UBAC2: variants seen among roughly 807,000 people sequenced by gnomAD.
UBAC2 encodes ubiquitin-associated domain-containing protein 2.
UBAC2 carries 26 observed loss-of-function variants against 44.0 expected under a neutral mutation model. The ratio of observed to expected loss-of-function variants is 0.59; its 90% CI spans 0.43 to 0.82. The LOEUF (loss-of-function observed/expected upper bound fraction) is 0.82, where lower values mean the gene tolerates loss of function less well. UBAC2 is among the 40% of genes least tolerant of loss of function. UBAC2 has a pLI of 0.00. For missense variants in UBAC2, 329 were observed against 419.4 expected (o/e 0.78, Z 1.88); for synonymous variants, 155 against 154.3 (o/e 1.00, Z -0.04).
At chr13:99,237,265 T>C (rs759713334) in intron 1 of UBAC2, among the ~76,000 whole-genome samples, 4,448 of 113,984 alleles carry the variant, frequency 0.039, 108 homozygotes, top group Non-Finnish European at 0.052. Flanking sequence ...TATATATATA[T>C]ATATATACAC....
intron 6 of UBAC2, among the ~76,000 whole-genome samples, chr13:99,331,289 A>G (rs2044713193): frequency 6.6e-6 from 1 of 152,212 alleles, no homozygotes; most frequent in African/African-American, 2.4e-5. Flanking sequence ...CTTTTTAAAT[A>G]TGAAGGTGAA....
intron 6 of UBAC2, among the ~76,000 whole-genome samples, chr13:99,329,376 T>A (rs951378190): frequency 6.6e-6 from 1 of 152,348 alleles, no homozygotes; most frequent in Middle Eastern, 3.4e-3. Context: ...AAACTTTAGA[T>A]CAACTTGGGA....
At chr13:99,201,155 G>A (rs879760709) in intron 1 of UBAC2, 38 of 1,357,142 alleles carry the variant, frequency 2.8e-5, no homozygotes, top group Admixed American at 3.4e-5. Flanking sequence ...AAGCCCCGCC[G>A]CCCGCCCCGA....
intron 4 of UBAC2, among the ~76,000 whole-genome samples, chr13:99,304,308 T>A (rs547742970): frequency 2.0e-5 from 3 of 152,210 alleles, no homozygotes; most frequent in Non-Finnish European, 4.4e-5. Context: ...CTTACTTTCC[T>A]TCAAGCCTTA....
intron 7 of UBAC2, among the ~76,000 whole-genome samples, chr13:99,348,820 G>A (rs2045032712): frequency 6.6e-6 from 1 of 152,174 alleles, no homozygotes; most frequent in Admixed American, 6.5e-5. Context: ...AGACCAGCCT[G>A]GGCAACATAG....
intron 1 of UBAC2, among the ~76,000 whole-genome samples, chr13:99,234,069 T>C (rs1594027470): frequency 6.6e-6 from 1 of 152,002 alleles, no homozygotes; most frequent in East Asian, 1.9e-4. Context: ...TATAAAGTAA[T>C]TATTTCCAAG....
intron 7 of UBAC2, among the ~76,000 whole-genome samples, chr13:99,361,289 G>A (rs2045261343): frequency 6.6e-6 from 1 of 152,126 alleles, no homozygotes; most frequent in South Asian, 2.1e-4. Flanking sequence ...TGCTTTTGAA[G>A]AAGACAAAGT....
intron 8 of UBAC2, among the ~76,000 whole-genome samples, chr13:99,368,161 T>G (rs943672824): frequency 1.3e-5 from 2 of 152,076 alleles, no homozygotes; most frequent in Admixed American, 1.3e-4. Context: ...CTCTTACACT[T>G]CATATATACA....
At chr13:99,375,489 A>G (rs548239056) in intron 8 of UBAC2, among the ~76,000 whole-genome samples, 13 of 152,024 alleles carry the variant, frequency 8.6e-5, no homozygotes, top group African/African-American at 3.1e-4. Context: ...TGTGCATGCT[A>G]CCCTGCACCC....
In UBAC2 at chr13:99,209,659, C is replaced by T. The variant is rs1012324584; in HGVS notation, c.31+8720C>T. On this transcript the variant is annotated intron_variant, in intron 1 of 8. Transcript: ENST00000403766. ...GTTTTTGGGGGCTGTATTATTGAAA[C>T]TTCCAAGGAATATACTCTTCATAAA... 2.0e-5 allele frequency among the ~76,000 whole-genome samples: 3 copies of T among 152,270 alleles called. No individual in the cohort carries two copies. In the East Asian group the frequency reaches 5.8e-4, roughly 29 times the overall value.
Position 99,385,532 on chromosome 13 carries a change from T to C in UBAC2, c.*197T>C, listed in dbSNP as rs2045609203. The C allele has an allele frequency of 1.8e-6, 1 of 541,640 alleles. No homozygotes were observed. 33.6% of individuals were successfully genotyped at this position (541,640 alleles called of 1,614,324 possible). A position where few individuals can be genotyped will look rare whatever the true frequency, so the allele number is the denominator to read the frequency against. ...AGATAAGTTTGCCATTACATTAGCA[T>C]GTATTTTCTATCTATATTTTTTATT... On this transcript the variant is annotated 3_prime_UTR_variant, in exon 9 of 9. Coordinates refer to ENST00000403766, the MANE Select transcript of UBAC2 (RefSeq NM_001144072.2).
At chr13:99,253,333 T>G (rs1446680917) in intron 4 of UBAC2, among the ~76,000 whole-genome samples, 1 of 152,200 alleles carries the variant, frequency 6.6e-6, no homozygotes, top group African/African-American at 2.4e-5. Context: ...GGTGTGGTTC[T>G]TGAGCTGAGC....
Position 99,201,099 on chromosome 13 carries a change from C to T in UBAC2, c.31+160C>T, listed in dbSNP as rs1397591216. ...CCTGCTAGTTCCCGGTCTTGGGGGTCAGCGGAAACCGCCCCCATTTCGGCC... is the reference window on the plus strand; with the variant it reads ...CCTGCTAGTTCCCGGTCTTGGGGGTTAGCGGAAACCGCCCCCATTTCGGCC... On this transcript the variant is annotated intron_variant, in intron 1 of 8. Coordinates refer to ENST00000403766, the MANE Select transcript of UBAC2 (RefSeq NM_001144072.2). 4.4e-6 allele frequency: 6 copies of T among 1,351,864 alleles called. No individual in the cohort carries two copies. In the East Asian group the frequency reaches 1.1e-4, roughly 25 times the overall value. 83.7% of individuals were successfully genotyped at this position (1,351,864 alleles called of 1,614,324 possible).
intron 6 of UBAC2, among the ~76,000 whole-genome samples, chr13:99,332,375 C>G (rs2044728239): frequency 6.6e-6 from 1 of 152,164 alleles, no homozygotes; most frequent in Non-Finnish European, 1.5e-5. Context: ...GATTCCCTTC[C>G]TAAAAGGATG....
At chr13:99,216,171 G>A (rs1387505590) in intron 1 of UBAC2, among the ~76,000 whole-genome samples, 5 of 151,606 alleles carry the variant, frequency 3.3e-5, no homozygotes, top group South Asian at 2.1e-4. Context: ...GTGCAATCTC[G>A]GCTCACTGCA....
At chr13:99,252,806 TAC>T (rs1223428393) in intron 4 of UBAC2, among the ~76,000 whole-genome samples, 1 of 152,132 alleles carries the variant, frequency 6.6e-6, no homozygotes, top group South Asian at 2.1e-4. Context: ...TTAAATTATT[TAC>T]AGTTTTACTG....
chr13:99,274,409 C>G (rs200832981), intron 4 of UBAC2, among the ~76,000 whole-genome samples: 1 of 151,664 alleles, frequency 6.6e-6, no homozygotes, highest in Non-Finnish European at 1.5e-5. Flanking sequence ...ACAGCAGCCT[C>G]GACCTCCTGG....
At chr13:99,348,970 A>AAAAAG (rs959566644) in intron 7 of UBAC2, among the ~76,000 whole-genome samples, 6 of 152,224 alleles carry the variant, frequency 3.9e-5, no homozygotes, top group African/African-American at 1.2e-4. Flanking sequence ...GCTCAAAAAG[A>AAAAAG]AAAAGAAAAG....
chr13:99,245,737 A>C (rs2043375713), intron 4 of UBAC2, among the ~76,000 whole-genome samples: 1 of 152,220 alleles, frequency 6.6e-6, no homozygotes, highest in African/African-American at 2.4e-5. Context: ...CAGGAGGCTG[A>C]GGCAGAAGAA....
Sources: gnomAD v4.1 joint callset for allele counts (sites outside exome capture counted in the v4.1 genomes callset) on GRCh38, gnomAD v4.1.1 for gene constraint, MANE v1.5 for transcripts, NCBI Gene and HGNC (gene_info 2026-07-23, HGNC 2026-07-21) for gene names.